LARGE1: variants seen among roughly 807,000 people sequenced by gnomAD.
LARGE1 encodes LARGE xylosyl- and glucuronyltransferase 1.
LARGE1 carries 43 observed loss-of-function variants against 87.6 expected under a neutral mutation model. That is an observed-to-expected ratio of 0.49 (90% CI 0.38 to 0.63). The LOEUF is 0.63. LARGE1 is among the 30% of genes least tolerant of loss of function. The probability of loss-of-function intolerance (pLI) is 0.00; values close to 1 mark genes in which losing one functional copy is unlikely to be tolerated. For missense variants in LARGE1, 802 were observed against 1,000.2 expected (o/e 0.80, Z 2.67); for synonymous variants, 434 against 394.6 (o/e 1.10, Z -1.18).
the LARGE1 span, among the ~76,000 whole-genome samples, chr22:33,148,987 G>A: frequency 4.6e-5 from 7 of 150,812 alleles, no homozygotes; most frequent in Admixed American, 3.3e-4. Context: ...TCAGATATTT[G>A]ATTCAGACAT....
intron 6 of LARGE1, among the ~76,000 whole-genome samples, chr22:33,528,072 C>T (rs888705043): frequency 6.8e-6 from 1 of 146,882 alleles, no homozygotes; most frequent in Non-Finnish European, 1.5e-5. Context: ...AGCAACAGAT[C>T]CTTGTACAGA....
intron 2 of LARGE1, among the ~76,000 whole-genome samples, chr22:33,719,809 C>G (rs566398454): frequency 1.4e-4 from 21 of 152,060 alleles, no homozygotes; most frequent in Non-Finnish European, 2.4e-4. Context: ...CGTGAGCCAC[C>G]GCACCTGGCT....
chr22:33,896,298 G>A (rs1012041802), intron 1 of LARGE1, among the ~76,000 whole-genome samples: 1 of 152,212 alleles, frequency 6.6e-6, no homozygotes, highest in Non-Finnish European at 1.5e-5. Flanking sequence ...TAAATTCCAT[G>A]TATGTCTACA....
rs997470508 is a variant in LARGE1 at position 33,446,197 on chromosome 22, A to G, written c.788-13932T>C. Among the ~76,000 whole-genome samples, 3 of 152,202 alleles carry G rather than the reference A, an allele frequency of 2.0e-5. No individual in the cohort carries two copies. In the East Asian group the frequency reaches 5.8e-4, roughly 29 times the overall value. On this transcript the variant is annotated intron_variant, in intron 6 of 14. Coordinates refer to ENST00000397394, the MANE Select transcript of LARGE1 (RefSeq NM_133642.5). ...AGAGCTACTGGGTAGAAACACATCC[A>G]GGTCTGGGAGGATGGTATGTCTGGA...
At chr22:33,815,264 TC>T (rs1347613532) in intron 1 of LARGE1, among the ~76,000 whole-genome samples, 1 of 152,178 alleles carries the variant, frequency 6.6e-6, no homozygotes, top group Non-Finnish European at 1.5e-5. Flanking sequence ...AGCTAGAACT[TC>T]CTCCGGTCCT....
At chr22:33,686,978 C>T (rs112489805) in intron 2 of LARGE1, among the ~76,000 whole-genome samples, 3,733 of 152,240 alleles carry the variant, frequency 0.025, 81 homozygotes, top group Middle Eastern at 0.051. Flanking sequence ...TCTGTGAGGC[C>T]CCCGATCACG....
At chr22:33,761,206 A>G (rs2084717209) in intron 2 of LARGE1, among the ~76,000 whole-genome samples, 165 bp downstream of exon 2, 1 of 151,578 alleles carries the variant, frequency 6.6e-6, no homozygotes, top group Non-Finnish European at 1.5e-5. Flanking sequence ...TTCTCCTCAC[A>G]CTGTTGACTG....
At chr22:33,705,668 A>G (rs1415265863) in intron 2 of LARGE1, among the ~76,000 whole-genome samples, 2 of 152,218 alleles carry the variant, frequency 1.3e-5, no homozygotes, top group African/African-American at 4.8e-5. Flanking sequence ...ACTCCATTGT[A>G]TCTGCTGAAT....
chr22:33,273,916 G>C lies in LARGE1; in HGVS notation c.*511C>G. The C allele has an allele frequency of 2.8e-6, 1 of 358,942 alleles. No homozygotes were observed. 22.2% of individuals were successfully genotyped at this position (358,942 alleles called of 1,614,324 possible). On this transcript the variant is annotated 3_prime_UTR_variant, in exon 15 of 15. Transcript: ENST00000397394. Reference sequence around the variant, plus strand: ...CCCCATTGGGTTTTTCCAAGTGGTTGGTTTAGATCATCGGTTTGCCCTCCG... The same window carrying C: ...CCCCATTGGGTTTTTCCAAGTGGTTCGTTTAGATCATCGGTTTGCCCTCCG...
chr22:33,095,823 G>A, the LARGE1 span, among the ~76,000 whole-genome samples: 1 of 152,092 alleles, frequency 6.6e-6, no homozygotes, highest in Admixed American at 6.6e-5. Flanking sequence ...CCAGTAGTGT[G>A]TCCTCTGCAG....
intron 2 of LARGE1, among the ~76,000 whole-genome samples, chr22:33,700,850 T>A (rs1011319503): frequency 2.6e-5 from 4 of 152,192 alleles, no homozygotes. Flanking sequence ...AGGTACCTTT[T>A]AAGCTTGTAG....
intron 6 of LARGE1, among the ~76,000 whole-genome samples, chr22:33,446,968 A>G (rs775378093): frequency 1.3e-5 from 2 of 152,172 alleles, no homozygotes; most frequent in Admixed American, 6.5e-5. Flanking sequence ...ATCTCGGTTC[A>G]CTGCAATCTC....
the LARGE1 span, among the ~76,000 whole-genome samples, chr22:33,066,747 T>C: frequency 6.6e-6 from 1 of 152,192 alleles, no homozygotes; most frequent in African/African-American, 2.4e-5. Flanking sequence ...GGCTCAGCTA[T>C]TCTAAGCAGA....
At chr22:33,620,679 T>C (rs1433664483) in intron 4 of LARGE1, among the ~76,000 whole-genome samples, 1 of 152,132 alleles carries the variant, frequency 6.6e-6, no homozygotes, top group East Asian at 1.9e-4. Flanking sequence ...CCCAGCTCTT[T>C]GGGAAGCCGA....
chr22:33,651,662 A>G (rs1030666907), intron 2 of LARGE1, among the ~76,000 whole-genome samples: 3 of 152,220 alleles, frequency 2.0e-5, no homozygotes, highest in African/African-American at 7.2e-5. Flanking sequence ...ATGTAGGCAA[A>G]GGCGGGTCTT....
At chr22:33,338,293 A>T (rs906976416) in intron 9 of LARGE1, among the ~76,000 whole-genome samples, 2 of 152,078 alleles carry the variant, frequency 1.3e-5, no homozygotes, top group African/African-American at 4.8e-5. Context: ...TTTTCAGCCC[A>T]GCAGTGGCAC....
Position 33,650,660 on chromosome 22 carries a change from G to T in LARGE1, c.115C>A (p.Pro39Thr). ...GACTCCAGCGGTGACAGAGACACGG[G>T]CTTTCCATCTGGGGAGCGAAACACC... is the stretch of plus-strand genomic sequence containing the variant. ...LFSGSFEDGK[P>T]VSLSPLESQA... The change falls in exon 3 of 15, where the codon CCC becomes ACC. Residue 39 changes from proline to threonine, a missense_variant. Pro to Thr is a conservative substitution (Grantham distance 38, BLOSUM62 -1). Coordinates refer to ENST00000397394, the MANE Select transcript of LARGE1 (RefSeq NM_133642.5). 6.2e-7 allele frequency: 1 copy of T among 1,600,554 alleles called. No homozygotes were observed.
chr22:33,745,801 C>T (rs369883346), intron 2 of LARGE1, among the ~76,000 whole-genome samples: 1 of 152,130 alleles, frequency 6.6e-6, no homozygotes, highest in East Asian at 1.9e-4. Context: ...ACCGAGCCCA[C>T]TGAGCCTGGG....
the LARGE1 span, among the ~76,000 whole-genome samples, chr22:33,091,058 T>A: frequency 6.6e-6 from 1 of 152,198 alleles, no homozygotes; most frequent in African/African-American, 2.4e-5. Flanking sequence ...CTCTTCCTCA[T>A]GACAGCCCTT....
Sources: gnomAD v4.1 joint callset for allele counts (sites outside exome capture counted in the v4.1 genomes callset) on GRCh38, gnomAD v4.1.1 for gene constraint, MANE v1.5 for transcripts, NCBI Gene and HGNC (gene_info 2026-07-23, HGNC 2026-07-21) for gene names.